QKI: variants seen among roughly 807,000 people sequenced by gnomAD.
The protein encoded by QKI is QKI, KH domain containing RNA binding.
Under a neutral mutation model 39.0 loss-of-function variants are expected in QKI, and 10 were observed. The ratio of observed to expected loss-of-function variants is 0.26; its 90% CI spans 0.16 to 0.43. The LOEUF is 0.43. Ranked by LOEUF, QKI falls within the 20% of genes least tolerant of loss-of-function variation. The pLI, the probability that QKI is intolerant of heterozygous loss-of-function variation, is 1.00. For synonymous variants in QKI, 204 were observed against 155.4 expected (o/e 1.31, Z -2.33); for missense variants, 218 against 428.0 (o/e 0.51, Z 4.33).
intron 2 of QKI, among the ~76,000 whole-genome samples, chr6:163,468,512 A>G (rs1791943828): frequency 6.6e-6 from 1 of 152,226 alleles, no homozygotes; most frequent in Non-Finnish European, 1.5e-5. Context: ...AATGCTTTAC[A>G]TTTTGTCATT....
intron 3 of QKI, among the ~76,000 whole-genome samples, chr6:163,479,835 T>C (rs959516031): frequency 1.3e-5 from 2 of 152,244 alleles, no homozygotes; most frequent in South Asian, 2.1e-4. Context: ...AAATTTTTCT[T>C]TTGATGAGAT....
intron 3 of QKI, among the ~76,000 whole-genome samples, chr6:163,499,137 G>GT (rs903971334): frequency 1.7e-4 from 26 of 152,046 alleles, no homozygotes; most frequent in African/African-American, 5.3e-4. Flanking sequence ...GAAGCGTTTT[G>GT]TTTTTTTGGA....
At chr6:163,483,318 T>G (rs1310802546) in intron 3 of QKI, among the ~76,000 whole-genome samples, 3 of 152,132 alleles carry the variant, frequency 2.0e-5, no homozygotes, top group Non-Finnish European at 4.4e-5. Flanking sequence ...GGGTGGTGGT[T>G]GCCAATGGTT....
intron 1 of QKI, among the ~76,000 whole-genome samples, chr6:163,450,386 A>G (rs1790467966): frequency 6.6e-6 from 1 of 152,196 alleles, no homozygotes; most frequent in Non-Finnish European, 1.5e-5. Context: ...AAGGATATGT[A>G]CAAAAGTAGC....
In QKI at chr6:163,509,464, T is replaced by G. The variant is rs1035828643; in HGVS notation, c.403-25518T>G. Among the ~76,000 whole-genome samples the G allele has an allele frequency of 1.3e-4, 11 of 85,576 alleles. No individual in the cohort carries two copies. In the East Asian group the frequency reaches 6.0e-3, roughly 47 times the overall value. The allele number at this position is 85,576 out of a possible 152,430, so 56.1% of individuals were successfully genotyped here. ...CTTCTTAATTTCTTTATATTACATA[T>G]GACCATTTAATAAAGGGGGGGGGGA... On this transcript the variant is annotated intron_variant, in intron 3 of 7. Coordinates refer to ENST00000361752, the MANE Select transcript of QKI (RefSeq NM_006775.3).
At chr6:163,564,207 C>T in intron 6 of QKI, 1 of 1,022,952 alleles carries the variant, frequency 9.8e-7, no homozygotes, top group Non-Finnish European at 1.2e-6. Context: ...CTTAAAATAT[C>T]AGATAAATAC....
intron 3 of QKI, among the ~76,000 whole-genome samples, chr6:163,480,479 A>T (rs1282921853): frequency 6.6e-6 from 1 of 152,082 alleles, no homozygotes; most frequent in Non-Finnish European, 1.5e-5. Flanking sequence ...AGCTGACTGG[A>T]TCTCATTCAT....
At chr6:163,449,113 G>T (rs781213603) in intron 1 of QKI, among the ~76,000 whole-genome samples, 1 of 152,130 alleles carries the variant, frequency 6.6e-6, no homozygotes, top group African/African-American at 2.4e-5. Flanking sequence ...TTACTTTGCT[G>T]TTTGTGTTAG....
At chr6:163,515,170 C>T (rs1012621156) in intron 3 of QKI, among the ~76,000 whole-genome samples, 10 of 152,054 alleles carry the variant, frequency 6.6e-5, no homozygotes, top group African/African-American at 1.7e-4. Flanking sequence ...AGCGAATGCA[C>T]CTTTATATTT....
intron 4 of QKI, among the ~76,000 whole-genome samples, chr6:163,558,460 C>T (rs534014761): frequency 6.8e-5 from 10 of 147,918 alleles, no homozygotes; most frequent in Non-Finnish European, 1.5e-4. Flanking sequence ...AGTGCAACGG[C>T]GCGATGTCGA....
intron 4 of QKI, among the ~76,000 whole-genome samples, chr6:163,553,062 T>TTTTATTTA (rs200656963): frequency 3.9e-4 from 47 of 119,278 alleles, no homozygotes; most frequent in Non-Finnish European, 5.8e-4. Context: ...TTTTTTTAAT[T>TTTTATTTA]TTTATTTATT....
chr6:163,513,371 A>T (rs1190416459), intron 3 of QKI, among the ~76,000 whole-genome samples: 3 of 152,210 alleles, frequency 2.0e-5, no homozygotes, highest in Non-Finnish European at 4.4e-5. Context: ...CAACTTGGTG[A>T]TACATAAAAT....
intron 4 of QKI, among the ~76,000 whole-genome samples, chr6:163,549,021 T>C (rs573886297): frequency 1.1e-3 from 161 of 152,308 alleles, no homozygotes; most frequent in Non-Finnish European, 2.1e-3. Context: ...AGAATATGGT[T>C]GCTGACTGGG....
At chr6:163,535,574 G>A (rs1408272796) in intron 4 of QKI, among the ~76,000 whole-genome samples, 1 of 151,266 alleles carries the variant, frequency 6.6e-6, no homozygotes, top group African/African-American at 2.4e-5. Context: ...GGTTTTCTGG[G>A]CCATTAATTT....
At chr6:163,439,152 C>G (rs897730607) in intron 1 of QKI, among the ~76,000 whole-genome samples, 1 of 152,132 alleles carries the variant, frequency 6.6e-6, no homozygotes, top group Non-Finnish European at 1.5e-5. Context: ...GGCTGTATGG[C>G]TTACCAGTGT....
intron 2 of QKI, among the ~76,000 whole-genome samples, chr6:163,455,904 GAA>G (rs1417649034): frequency 6.6e-6 from 1 of 152,100 alleles, no homozygotes; most frequent in Non-Finnish European, 1.5e-5. Context: ...ATCTTGTTGT[GAA>G]TAGCCTCCTT....
chr6:163,457,027 A>G (rs957582490), intron 2 of QKI, among the ~76,000 whole-genome samples: 2 of 152,250 alleles, frequency 1.3e-5, no homozygotes. Flanking sequence ...CCTAGGTATT[A>G]GGATTATTCC....
intron 6 of QKI, chr6:163,566,079 A>C: frequency 6.5e-7 from 1 of 1,544,340 alleles, no homozygotes; most frequent in Non-Finnish European, 8.8e-7. Context: ...TCAGTGACTT[A>C]CTTGCACTTT....
At chr6:163,482,274 T>G (rs536602955) in intron 3 of QKI, among the ~76,000 whole-genome samples, 2 of 152,316 alleles carry the variant, frequency 1.3e-5, no homozygotes, top group East Asian at 1.9e-4. Context: ...AGTGATAACT[T>G]CAGACATACT....
Sources: allele counts gnomAD v4.1 joint callset (sites outside exome capture counted in the v4.1 genomes callset), GRCh38; gene constraint gnomAD v4.1.1; transcripts MANE v1.5; gene names NCBI Gene and HGNC (gene_info 2026-07-23, HGNC 2026-07-21).